The following LRP1B variants were observed in gnomAD, a reference collection of about 807,000 sequenced individuals.
The protein encoded by LRP1B is low-density lipoprotein receptor-related protein 1B.
Under a neutral mutation model 556.6 loss-of-function variants are expected in LRP1B, and 217 were observed. That is an observed-to-expected ratio of 0.39 (90% confidence interval 0.35 to 0.44). The LOEUF is 0.44. LRP1B is among the 20% of genes least tolerant of loss of function. LRP1B has a pLI of 1.00. For missense variants in LRP1B, 5,053 were observed against 5,620.8 expected (o/e 0.90, Z 3.23); for synonymous variants, 2,047 against 1,865.8 (o/e 1.10, Z -2.50).
intron 20 of LRP1B, among the ~76,000 whole-genome samples, chr2:140,929,756 T>TCA (rs3063648): frequency 0.073 from 10,178 of 139,198 alleles, 377 homozygotes; most frequent in African/African-American, 0.1. Flanking sequence ...TCATATAGAC[T>TCA]CACACACACA....
intron 1 of LRP1B, among the ~76,000 whole-genome samples, chr2:142,120,567 C>A (rs1707424174): frequency 6.6e-6 from 1 of 152,120 alleles, no homozygotes; most frequent in African/African-American, 2.4e-5. Context: ...AATTCAGGGA[C>A]AATTGAAAAG....
chr2:141,933,318 G>A (rs1485578112), intron 1 of LRP1B, among the ~76,000 whole-genome samples: 1 of 152,048 alleles, frequency 6.6e-6, no homozygotes, highest in Non-Finnish European at 1.5e-5. Flanking sequence ...TGGTAAGACA[G>A]TTAAGAAATA....
Position 140,868,265 on chromosome 2 carries a change from TAAAAAA to T in LRP1B, c.4170-8_4170-3del. 1 of 1,296,088 alleles carries T rather than the reference TAAAAAA, an allele frequency of 7.7e-7. No homozygotes were observed. The highest frequency in any genetic ancestry group is 1.0e-6 in the Non-Finnish European group (1 of 991,624). The allele number at this position is 1,296,088 out of a possible 1,614,324, so 80.3% of individuals were successfully genotyped here. ...TCCCAGTCTGTCCAGAAAAGAATTC[TAAAAAA>T]AAAAAAAAAAAAAGAAATAATACTA... is the stretch of plus-strand genomic sequence containing the variant. On this transcript the variant is annotated splice_polypyrimidine_tract_variant and splice_region_variant and intron_variant, in intron 25 of 90. Transcript: ENST00000389484.
intron 31 of LRP1B, among the ~76,000 whole-genome samples, chr2:140,838,228 T>C (rs1480706600): frequency 6.6e-6 from 1 of 152,210 alleles, no homozygotes; most frequent in Non-Finnish European, 1.5e-5. Context: ...CATACTCATT[T>C]TTCAATGTTA....
chr2:141,938,784 CTA>C (rs1700709842), intron 1 of LRP1B, among the ~76,000 whole-genome samples: 2 of 151,846 alleles, frequency 1.3e-5, no homozygotes, highest in African/African-American at 4.8e-5. Flanking sequence ...ATATGTGTAT[CTA>C]TATATACATA....
intron 35 of LRP1B, among the ~76,000 whole-genome samples, chr2:140,759,622 CAAGCATA>C (rs1688849785): frequency 6.6e-6 from 1 of 152,150 alleles, no homozygotes; most frequent in African/African-American, 2.4e-5. Flanking sequence ...AGCACCATTG[CAAGCATA>C]AAGAACTGGC....
intron 2 of LRP1B, among the ~76,000 whole-genome samples, chr2:141,696,186 A>C (rs1691728907): frequency 6.6e-6 from 1 of 151,972 alleles, no homozygotes; most frequent in African/African-American, 2.4e-5. Flanking sequence ...CACCACAAGA[A>C]AAGATAAATT....
At position 140,232,577 on chromosome 2, in the gene LRP1B, T is replaced by C. The variant is rs913306203; in HGVS notation, c.*609A>G. On this transcript the variant is annotated 3_prime_UTR_variant, in exon 91 of 91. Transcript: ENST00000389484. ...TGGAAAATGTAGTCATCTGTGTTCATGCAAATTATTAATTTTACATATTTT... is the reference window on the plus strand; with the variant it reads ...TGGAAAATGTAGTCATCTGTGTTCACGCAAATTATTAATTTTACATATTTT... 1 of 151,764 alleles carries C rather than the reference T, an allele frequency of 6.6e-6. No homozygotes were observed. The highest frequency in any genetic ancestry group is 1.5e-5 in the Non-Finnish European group (1 of 67,552). The allele number at this position is 151,764 out of a possible 1,614,324, so 9.4% of individuals were successfully genotyped here. A position where few individuals can be genotyped will look rare whatever the true frequency, so the allele number is the denominator to read the frequency against.
At chr2:141,011,167 T>C (rs1281909684) in intron 14 of LRP1B, among the ~76,000 whole-genome samples, 1 of 149,788 alleles carries the variant, frequency 6.7e-6, no homozygotes, top group Non-Finnish European at 1.5e-5. Context: ...ACTTAGAGAT[T>C]TGATTTTCTC....
intron 2 of LRP1B, among the ~76,000 whole-genome samples, chr2:141,777,870 G>GT (rs150222786): frequency 0.092 from 13,930 of 151,804 alleles, 701 homozygotes; most frequent in Non-Finnish European, 0.1. Context: ...TGATGTAATT[G>GT]TTTTTTTTAA....
chr2:141,371,398 T>C (rs1204398455), intron 3 of LRP1B, among the ~76,000 whole-genome samples: 1 of 152,174 alleles, frequency 6.6e-6, no homozygotes, highest in Non-Finnish European at 1.5e-5. Flanking sequence ...TTGTTTTTTC[T>C]AAATCTGTGA....
At chr2:141,846,974 T>G (rs991741624) in intron 1 of LRP1B, among the ~76,000 whole-genome samples, 7 of 151,476 alleles carry the variant, frequency 4.6e-5, no homozygotes, top group Admixed American at 2.0e-4. Flanking sequence ...ACTCAAGAGT[T>G]CTCTCTTACT....
At chr2:141,584,487 C>G (rs1687061567) in intron 2 of LRP1B, among the ~76,000 whole-genome samples, 1 of 152,036 alleles carries the variant, frequency 6.6e-6, no homozygotes, top group South Asian at 2.1e-4. Context: ...ATTTTAGCCA[C>G]AAGAAATATT....
intron 2 of LRP1B, among the ~76,000 whole-genome samples, chr2:141,724,321 G>A (rs1415191509): frequency 6.6e-6 from 1 of 151,806 alleles, no homozygotes; most frequent in Non-Finnish European, 1.5e-5. Context: ...TTTTCTGCAA[G>A]GTTTGATTTG....
At chr2:141,670,063 T>C (rs897052675) in intron 2 of LRP1B, among the ~76,000 whole-genome samples, 4 of 152,198 alleles carry the variant, frequency 2.6e-5, no homozygotes, top group Non-Finnish European at 5.9e-5. Flanking sequence ...ATCATTCTTT[T>C]GTTGAGCAGC....
chr2:141,520,473 GT>G (rs113276738), intron 2 of LRP1B, among the ~76,000 whole-genome samples: 1,572 of 148,810 alleles, frequency 0.011, 33 homozygotes, highest in African/African-American at 0.036. Flanking sequence ...AATCATCCCT[GT>G]TTTTTTTTTC....
At chr2:141,084,963 A>G (rs1420254371) in intron 7 of LRP1B, among the ~76,000 whole-genome samples, 1 of 152,112 alleles carries the variant, frequency 6.6e-6, no homozygotes, top group Non-Finnish European at 1.5e-5. Flanking sequence ...TTTCTTAAAT[A>G]AAAGCTTGTT....
At chr2:141,569,061 C>T (rs921630032) in intron 2 of LRP1B, among the ~76,000 whole-genome samples, 1 of 151,022 alleles carries the variant, frequency 6.6e-6, no homozygotes, top group Non-Finnish European at 1.5e-5. Flanking sequence ...AGCCACCGTG[C>T]CCGGCCATCA....
chr2:141,514,910 C>T (rs1334670319), intron 2 of LRP1B, among the ~76,000 whole-genome samples: 1 of 152,136 alleles, frequency 6.6e-6, no homozygotes, highest in African/African-American at 2.4e-5. Context: ...TGCTTTTGCA[C>T]CATCAGTAAG....
Sources: gnomAD v4.1 joint callset for allele counts (sites outside exome capture counted in the v4.1 genomes callset) on GRCh38, gnomAD v4.1.1 for gene constraint, MANE v1.5 for transcripts, NCBI Gene and HGNC (gene_info 2026-07-23, HGNC 2026-07-21) for gene names.